Variants in PRICKLE2 observed in about 807,000 individuals in gnomAD.
PRICKLE2 encodes prickle planar cell polarity protein 2, also known as prickle-like protein 2.
A neutral mutation model predicts 81.4 loss-of-function variants in PRICKLE2; 21 were observed. The ratio of observed to expected loss-of-function variants is 0.26; its 90% CI spans 0.18 to 0.37. The LOEUF is 0.37. PRICKLE2 is among the 10% of genes least tolerant of loss of function. The pLI is 1.00. For synonymous variants in PRICKLE2, 456 were observed against 421.5 expected (o/e 1.08, Z -1.00); for missense variants, 940 against 1,109.0 (o/e 0.85, Z 2.16).
intron 3 of PRICKLE2, among the ~76,000 whole-genome samples, chr3:64,161,240 G>A (rs62249934): frequency 0.11 from 17,014 of 151,148 alleles, 1,213 homozygotes; most frequent in East Asian, 0.22. Flanking sequence ...ATGTGGTTTC[G>A]TTTCATTTAC....
At chr3:64,264,862 G>A (rs998124989) in intron 2 of PRICKLE2, among the ~76,000 whole-genome samples, 1 of 152,194 alleles carries the variant, frequency 6.6e-6, no homozygotes, top group African/African-American at 2.4e-5. Context: ...GCTTTGTGAA[G>A]AGGGAGAGAC....
At chr3:64,149,945 GTGAATCAAC>G (rs2077517338) in intron 6 of PRICKLE2, among the ~76,000 whole-genome samples, 1 of 146,544 alleles carries the variant, frequency 6.8e-6, no homozygotes, top group Non-Finnish European at 1.5e-5. Context: ...AGGAAACTGT[GTGAATCAAC>G]TGAATCAACT....
chr3:64,189,626 G>C (rs182815937), intron 2 of PRICKLE2, among the ~76,000 whole-genome samples: 12 of 152,176 alleles, frequency 7.9e-5, no homozygotes, highest in Non-Finnish European at 1.0e-4. Context: ...AGAAATAGAA[G>C]ATTTTGTACC....
intron 7 of PRICKLE2, chr3:64,142,070 A>C (rs1397200979): frequency 5.5e-6 from 2 of 363,484 alleles, no homozygotes; most frequent in Admixed American, 1.3e-4. Flanking sequence ...CAACTTTCCA[A>C]GTCTAGTCCT....
chr3:64,160,991 C>A (rs544356058), intron 3 of PRICKLE2, among the ~76,000 whole-genome samples: 15 of 151,412 alleles, frequency 9.9e-5, no homozygotes, highest in African/African-American at 3.1e-4. Flanking sequence ...AACAAAAAAA[C>A]CAGAAGAAAC....
chr3:64,217,127 G>A (rs1369751546), intron 1 of PRICKLE2, among the ~76,000 whole-genome samples: 1 of 152,142 alleles, frequency 6.6e-6, no homozygotes, highest in Non-Finnish European at 1.5e-5. Context: ...GGACTGCCAG[G>A]AGGATGCCTA....
At chr3:64,243,371 C>T (rs1314712008) in intron 2 of PRICKLE2, among the ~76,000 whole-genome samples, 1 of 152,212 alleles carries the variant, frequency 6.6e-6, no homozygotes, top group Non-Finnish European at 1.5e-5. Context: ...GTCACCCTTT[C>T]CCCAGTCGTG....
At chr3:64,195,295 C>A (rs2078430594) in intron 2 of PRICKLE2, among the ~76,000 whole-genome samples, 1 of 152,126 alleles carries the variant, frequency 6.6e-6, no homozygotes, top group African/African-American at 2.4e-5. Context: ...ACAGCTAGTG[C>A]ATTTTTATGA....
At chr3:64,196,548 T>A (rs1016130192) in intron 2 of PRICKLE2, among the ~76,000 whole-genome samples, 1 of 152,200 alleles carries the variant, frequency 6.6e-6, no homozygotes, top group African/African-American at 2.4e-5. Flanking sequence ...AATTATTTAA[T>A]AATAAAATCT....
At chr3:64,132,289 T>C (rs2077207990) in intron 7 of PRICKLE2, among the ~76,000 whole-genome samples, 2 of 152,206 alleles carry the variant, frequency 1.3e-5, no homozygotes, top group Non-Finnish European at 2.9e-5. Flanking sequence ...TAAGCCATTC[T>C]CCACCCTACT....
chr3:64,196,523 C>T (rs984713652), intron 2 of PRICKLE2, among the ~76,000 whole-genome samples: 14 of 152,164 alleles, frequency 9.2e-5, no homozygotes, highest in South Asian at 4.1e-4. Context: ...CAAACACTCT[C>T]GTTCTTCTTA....
intron 7 of PRICKLE2, among the ~76,000 whole-genome samples, chr3:64,140,701 G>T (rs917549390): frequency 2.6e-5 from 4 of 152,028 alleles, no homozygotes; most frequent in Non-Finnish European, 5.9e-5. Flanking sequence ...TCTTGCCCAG[G>T]CACCAGCCCC....
chr3:64,149,448 G>T (rs548491583), intron 6 of PRICKLE2, among the ~76,000 whole-genome samples: 1 of 152,342 alleles, frequency 6.6e-6, no homozygotes, highest in South Asian at 2.1e-4. Context: ...AAAACTGGCA[G>T]AATGGAAACT....
intron 1 of PRICKLE2, among the ~76,000 whole-genome samples, chr3:64,222,386 A>G (rs535658289): frequency 1.3e-5 from 2 of 152,102 alleles, no homozygotes; most frequent in South Asian, 2.1e-4. Flanking sequence ...GACTCCTCTC[A>G]CTCTTGTAAT....
intron 7 of PRICKLE2, among the ~76,000 whole-genome samples, chr3:64,131,263 T>C (rs1356727859): frequency 6.6e-6 from 1 of 152,236 alleles, no homozygotes; most frequent in Non-Finnish European, 1.5e-5. Context: ...GCTGAACTCC[T>C]GGACCTCAGC....
In PRICKLE2 at chr3:64,210,451, G is replaced by A. The variant is rs769711246; in HGVS notation, c.-40-11484C>T. On this transcript the variant is annotated intron_variant, in intron 1 of 7. Coordinates refer to ENST00000638394, the MANE Select transcript of PRICKLE2 (RefSeq NM_198859.4). ...GAAGCTCAAGGGCGGAGACTGTGACGGGGCCAGCTGGGTATGAGGCTGGTG... is the reference window on the plus strand; with the variant it reads ...GAAGCTCAAGGGCGGAGACTGTGACAGGGCCAGCTGGGTATGAGGCTGGTG... Among the ~76,000 whole-genome samples, 7 of 152,076 alleles carry A rather than the reference G, an allele frequency of 4.6e-5. 1 individual carries two copies. The highest frequency in any genetic ancestry group is 1.9e-4 in the East Asian group (1 of 5,162).
At chr3:64,153,097 T>C in intron 6 of PRICKLE2, 85 bp downstream of exon 6, 1 of 1,274,754 alleles carries the variant, frequency 7.8e-7, no homozygotes, top group East Asian at 2.3e-5. Flanking sequence ...TTCTAACACT[T>C]GCAATCAAAG....
intron 2 of PRICKLE2, among the ~76,000 whole-genome samples, chr3:64,174,212 A>G (rs2077981182): frequency 6.6e-6 from 1 of 152,226 alleles, no homozygotes; most frequent in Non-Finnish European, 1.5e-5. Context: ...GGAGAAAGAA[A>G]CTGCATTTGA....
At chr3:64,142,513 G>T (rs2887159) in intron 7 of PRICKLE2, among the ~76,000 whole-genome samples, 1 of 151,874 alleles carries the variant, frequency 6.6e-6, no homozygotes, top group African/African-American at 2.4e-5. Context: ...GTTTTGCCAC[G>T]TTGGCAAGGC....
Sources: allele counts gnomAD v4.1 joint callset (sites outside exome capture counted in the v4.1 genomes callset), GRCh38; gene constraint gnomAD v4.1.1; transcripts MANE v1.5; gene names NCBI Gene and HGNC (gene_info 2026-07-23, HGNC 2026-07-21).